The following DIAPH2 variants were observed in gnomAD, a reference collection of about 807,000 sequenced individuals.
DIAPH2 encodes diaphanous related formin 2.
In DIAPH2, 35 loss-of-function variants were observed where a neutral mutation model predicts 92.7. That is an observed-to-expected ratio of 0.38 (90% CI 0.29 to 0.50). DIAPH2 has a LOEUF of 0.50. DIAPH2 is among the 20% of genes least tolerant of loss of function. The probability of loss-of-function intolerance (pLI) is 0.94; values close to 1 mark genes in which losing one functional copy is unlikely to be tolerated. For synonymous variants in DIAPH2, 301 were observed against 280.4 expected (o/e 1.07, Z -0.73); for missense variants, 701 against 819.5 (o/e 0.86, Z 1.77).
intron 21 of DIAPH2, among the ~76,000 whole-genome samples, chrX:97,129,229 C>G (rs2067120479): frequency 1.9e-5 from 2 of 104,602 alleles, no homozygotes; most frequent in African/African-American, 7.1e-5. Flanking sequence ...TGTAGTGGTG[C>G]AATCTGAGCT....
intron 17 of DIAPH2, among the ~76,000 whole-genome samples, chrX:96,983,978 G>A (rs2066014624): frequency 9.0e-6 from 1 of 111,674 alleles, no homozygotes; most frequent in African/African-American, 3.2e-5. Context: ...ACCCTAGTTA[G>A]AATCTAATAA....
At chrX:97,373,214 A>C (rs1173559694) in intron 24 of DIAPH2, among the ~76,000 whole-genome samples, 2 of 111,406 alleles carry the variant, frequency 1.8e-5, no homozygotes, top group Non-Finnish European at 3.8e-5. Flanking sequence ...TTTTAAGAAA[A>C]TAAATGTAGA....
intron 24 of DIAPH2, among the ~76,000 whole-genome samples, chrX:97,356,795 T>TAAA (rs760858204): frequency 9.1e-6 from 1 of 109,605 alleles, no homozygotes; most frequent in African/African-American, 3.3e-5. Flanking sequence ...CCTAACATGA[T>TAAA]AAAAAAAAAT....
chrX:96,817,592 AAAG>A (rs1434841543), intron 4 of DIAPH2, among the ~76,000 whole-genome samples: 1 of 111,647 alleles, frequency 9.0e-6, no homozygotes, highest in African/African-American at 3.3e-5. Flanking sequence ...ATATTTAACA[AAAG>A]AAATTTATTT....
At chrX:97,546,109 T>C (rs767552319) in intron 26 of DIAPH2, among the ~76,000 whole-genome samples, 1 of 110,742 alleles carries the variant, frequency 9.0e-6, no homozygotes, top group Admixed American at 9.6e-5. Context: ...AACACAAAAA[T>C]TGATTTGCAT....
At chrX:97,023,157 T>C (rs933578285) in intron 17 of DIAPH2, among the ~76,000 whole-genome samples, 3 of 111,387 alleles carry the variant, frequency 2.7e-5, no homozygotes, top group Non-Finnish European at 5.6e-5. Context: ...AGTTTGAAAT[T>C]ATTTATTATA....
chrX:97,095,768 A>C (rs144370584), intron 19 of DIAPH2, among the ~76,000 whole-genome samples: 2,118 of 111,968 alleles, frequency 0.019, 48 homozygotes, highest in African/African-American at 0.065. Flanking sequence ...AGAAATGTAA[A>C]AAGTAGTTAA....
intron 23 of DIAPH2, among the ~76,000 whole-genome samples, chrX:97,279,322 T>G: frequency 9.3e-6 from 1 of 107,745 alleles, no homozygotes; most frequent in Admixed American, 1.0e-4. Flanking sequence ...TTTTTTTTTT[T>G]TTTTGAGTCT....
chrX:97,070,086 G>A (rs2046769000), intron 17 of DIAPH2, among the ~76,000 whole-genome samples: 1 of 110,892 alleles, frequency 9.0e-6, no homozygotes, highest in African/African-American at 3.3e-5. Context: ...TCATTATTAG[G>A]ATTATCTTCC....
chrX:96,745,618 G>A (rs2064145575), intron 3 of DIAPH2, among the ~76,000 whole-genome samples: 1 of 111,976 alleles, frequency 8.9e-6, no homozygotes, highest in Non-Finnish European at 1.9e-5. Context: ...TTTTCTAAAA[G>A]AAGGTAGCTG....
At chrX:96,717,100 G>T (rs1484517820) in intron 1 of DIAPH2, among the ~76,000 whole-genome samples, 1 of 111,680 alleles carries the variant, frequency 9.0e-6, no homozygotes, top group Non-Finnish European at 1.9e-5. Flanking sequence ...CGTTTACTTA[G>T]AAGTGCATTG....
intron 25 of DIAPH2, among the ~76,000 whole-genome samples, chrX:97,386,611 T>A (rs2069603283): frequency 9.4e-6 from 1 of 106,914 alleles, no homozygotes; most frequent in Non-Finnish European, 1.9e-5. Context: ...GAAGTTGCAG[T>A]GAGCCGAGAT....
chrX:97,443,841 C>T (rs1302851234), intron 26 of DIAPH2, among the ~76,000 whole-genome samples: 5 of 112,012 alleles, frequency 4.5e-5, no homozygotes, highest in Non-Finnish European at 9.4e-5. Flanking sequence ...GTTCCACTCC[C>T]ACATGGCTAC....
At chrX:97,204,846 A>G (rs1286089056) in intron 22 of DIAPH2, among the ~76,000 whole-genome samples, 1 of 111,870 alleles carries the variant, frequency 8.9e-6, no homozygotes, top group East Asian at 2.8e-4. Context: ...TGGAACCAAA[A>G]AAGATCCTGT....
intron 25 of DIAPH2, among the ~76,000 whole-genome samples, chrX:97,410,295 C>A (rs1459929934): frequency 8.9e-6 from 1 of 111,996 alleles, no homozygotes; most frequent in African/African-American, 3.2e-5. Context: ...CCAGCAGACT[C>A]CACCAGAGCT....
At chrX:97,594,840 A>G (rs768183084) in intron 26 of DIAPH2, among the ~76,000 whole-genome samples, 9 of 112,136 alleles carry the variant, frequency 8.0e-5, no homozygotes, top group Admixed American at 1.9e-4. Context: ...TGGTATCTCT[A>G]CATGCCTATG....
At chrX:97,156,974 A>C (rs1287309314) in intron 22 of DIAPH2, among the ~76,000 whole-genome samples, 1 of 111,736 alleles carries the variant, frequency 8.9e-6, no homozygotes, top group Non-Finnish European at 1.9e-5. Flanking sequence ...AGGGCTAGGA[A>C]AATGAGGCTG....
chrX:96,727,260 T>G (rs2147556997), intron 1 of DIAPH2, among the ~76,000 whole-genome samples: 1 of 111,949 alleles, frequency 8.9e-6, no homozygotes, highest in African/African-American at 3.2e-5. Context: ...GCTTGAAAGG[T>G]TTCAAATAAA....
intron 22 of DIAPH2, among the ~76,000 whole-genome samples, chrX:97,239,508 T>C (rs1458516870): frequency 8.9e-6 from 1 of 111,790 alleles, no homozygotes; most frequent in African/African-American, 3.2e-5. Flanking sequence ...ACCCGATAGC[T>C]ATAATTTAAT....
Sources: gnomAD v4.1 joint callset for allele counts (sites outside exome capture counted in the v4.1 genomes callset) on GRCh38, gnomAD v4.1.1 for gene constraint, MANE v1.5 for transcripts, NCBI Gene and HGNC (gene_info 2026-07-23, HGNC 2026-07-21) for gene names.